The following CHD7 variants were observed in gnomAD, a reference collection of about 807,000 sequenced individuals.
CHD7 encodes ATP-dependent chromatin remodeler CHD7.
A neutral mutation model predicts 307.3 loss-of-function variants in CHD7; 24 were observed. That is an observed-to-expected ratio of 0.08 (90% CI 0.06 to 0.11). The LOEUF (loss-of-function observed/expected upper bound fraction) is 0.11, where lower values mean the gene tolerates loss of function less well. CHD7 is among the 10% of genes least tolerant of loss of function. The pLI is 1.00. For synonymous variants in CHD7, 1,363 were observed against 1,349.9 expected, an observed-to-expected ratio of 1.01 and a Z score of -0.21; for missense variants, 3,106 against 3,727.1, an observed-to-expected ratio of 0.83 and a Z score of 4.34.
chr8:60,808,834 A>C (rs139791631), intron 7 of CHD7: 1 of 153,034 alleles, frequency 6.5e-6, no homozygotes, highest in Non-Finnish European at 1.5e-5. Context: ...TGTTGTAAGC[A>C]GTACACCTGG....
chr8:60,828,850 A>AT (rs774958191), intron 14 of CHD7, 44 bp downstream of exon 14: 63 of 1,571,624 alleles, frequency 4.0e-5, no homozygotes, highest in Middle Eastern at 1.7e-4. Flanking sequence ...AAAATTGAAG[A>AT]TTAGCCCATG....
chr8:60,718,148 C>G (rs1004998713), intron 1 of CHD7, among the ~76,000 whole-genome samples: 5 of 152,124 alleles, frequency 3.3e-5, no homozygotes, highest in African/African-American at 1.2e-4. Flanking sequence ...CTGTGTAGGT[C>G]TAGGCTAATG....
rs1804073006 is a variant in CHD7 at position 60,822,160 on chromosome 8, T to A, written c.2957+15T>A. On this transcript the variant is annotated intron_variant, in intron 11 of 37. Transcript: ENST00000423902. ...TGGTACAACATGTATGTAAAACAAG[T>A]TTTTCTTCACTTTTAAATATATCTG... The A allele has an allele frequency of 6.3e-7, 1 of 1,597,038 alleles. No homozygotes were observed. Among genetic ancestry groups the A allele is most frequent in the Non-Finnish European group, 8.5e-7 (1 of 1,172,488 alleles).
intron 21 of CHD7, among the ~76,000 whole-genome samples, chr8:60,844,211 C>T (rs1805099596): frequency 6.6e-6 from 1 of 152,180 alleles, no homozygotes; most frequent in Non-Finnish European, 1.5e-5. Flanking sequence ...GCAGTCAGTC[C>T]CCATGGTGTG....
intron 1 of CHD7, among the ~76,000 whole-genome samples, chr8:60,718,456 C>CA (rs1807724807): frequency 6.7e-6 from 1 of 148,698 alleles, no homozygotes; most frequent in South Asian, 2.1e-4. Context: ...GCATGGGAGA[C>CA]AGAGTGAGAC....
intron 1 of CHD7, among the ~76,000 whole-genome samples, chr8:60,715,951 T>G (rs745326047): frequency 3.3e-5 from 5 of 152,174 alleles, no homozygotes; most frequent in Non-Finnish European, 5.9e-5. Context: ...CACAGCCTAC[T>G]TCATAGGACT....
At chr8:60,849,847 C>G (rs955647928) in intron 25 of CHD7, among the ~76,000 whole-genome samples, 6 of 152,158 alleles carry the variant, frequency 3.9e-5, no homozygotes, top group Admixed American at 3.9e-4. Flanking sequence ...TTGTGCTGTT[C>G]TGCCTATGTA....
At position 60,761,263 on chromosome 8, in the gene CHD7, A is replaced by G. The variant is rs1182992896; in HGVS notation, c.1665+18166A>G. Among the ~76,000 whole-genome samples, 6 of 145,570 alleles carry G rather than the reference A, an allele frequency of 4.1e-5. No individual in the cohort carries two copies. In the South Asian group the frequency reaches 6.5e-4, roughly 16 times the overall value. ...AAGAACAAAAAACCAAACACCGCAT[A>G]TTCTCACTCATAGGTGGGAATTGAA... On this transcript the variant is annotated intron_variant, in intron 2 of 37. Transcript: ENST00000423902.
intron 1 of CHD7, among the ~76,000 whole-genome samples, chr8:60,707,735 T>G (rs1807087853): frequency 6.6e-6 from 1 of 152,230 alleles, no homozygotes; most frequent in Non-Finnish European, 1.5e-5. Context: ...AATCTTTAGT[T>G]ATAATTTATT....
chr8:60,786,856 TGTTA>T (rs971927504), intron 3 of CHD7, among the ~76,000 whole-genome samples: 9 of 152,196 alleles, frequency 5.9e-5, no homozygotes, highest in East Asian at 1.9e-4. Context: ...AAGATCTTTA[TGTTA>T]GTTGTCTTCT....
chr8:60,781,879 G>A (rs1446581437), intron 3 of CHD7, among the ~76,000 whole-genome samples: 1 of 152,162 alleles, frequency 6.6e-6, no homozygotes, highest in Non-Finnish European at 1.5e-5. Flanking sequence ...CCACTTGGCG[G>A]AGTAAGCCTT....
intron 9 of CHD7, among the ~76,000 whole-genome samples, chr8:60,821,120 G>A (rs1804010887): frequency 6.6e-6 from 1 of 152,118 alleles, no homozygotes; most frequent in Admixed American, 6.5e-5. Flanking sequence ...GGAAAAGGTA[G>A]AGATCCTAAT....
chr8:60,860,309 C>G (rs980481036), intron 34 of CHD7, among the ~76,000 whole-genome samples: 3 of 152,212 alleles, frequency 2.0e-5, no homozygotes, highest in Non-Finnish European at 4.4e-5. Context: ...AGACTATACC[C>G]CCCATGTTGT....
intron 1 of CHD7, among the ~76,000 whole-genome samples, chr8:60,707,622 G>GC (rs1247963705): frequency 2.0e-5 from 3 of 152,162 alleles, no homozygotes; most frequent in Non-Finnish European, 4.4e-5. Flanking sequence ...TAGATGACCA[G>GC]CACTTGTTTA....
intron 28 of CHD7, 38 bp downstream of exon 28, chr8:60,851,357 T>G: frequency 6.8e-7 from 1 of 1,465,126 alleles, no homozygotes; most frequent in Non-Finnish European, 9.4e-7. Flanking sequence ...CGAGCAGACG[T>G]GCACTGAGCA....
At position 60,742,250 on chromosome 8, in the gene CHD7, C is replaced by T. The variant is rs762771594; in HGVS notation, c.818C>T (p.Pro273Leu). 2 of 1,613,910 alleles carry T rather than the reference C, an allele frequency of 1.2e-6. No individual in the cohort carries two copies. Among genetic ancestry groups the T allele is most frequent in the Non-Finnish European group, 1.7e-6 (2 of 1,179,888 alleles). Residue 273 changes from proline to leucine, a missense_variant, in exon 2 of 38, where the codon CCC (proline) becomes CTC (leucine). Pro to Leu is a moderately conservative substitution (Grantham distance 98). This residue lies in a region of CHD7 where 998 missense variants were observed against 1,004.5 expected (regional missense o/e 0.99). Transcript: ENST00000423902. ...CATGGAGAATCCGTTGCCCACAGTC[C>T]CAGATTCTCCCCGAATCCTCCCCAA... ...ALHGESVAHSPRFSPNPPQQG... is the reference protein window; with the variant it reads ...ALHGESVAHSLRFSPNPPQQG...
At chr8:60,731,353 C>G (rs1210876205) in intron 1 of CHD7, among the ~76,000 whole-genome samples, 1 of 152,090 alleles carries the variant, frequency 6.6e-6, no homozygotes, top group Non-Finnish European at 1.5e-5. Flanking sequence ...GCTGTTGTAT[C>G]TCAAACTGCA....
Position 60,742,988 on chromosome 8 carries a change from C to T in CHD7, c.1556C>T (p.Pro519Leu), listed in dbSNP as rs1333490432. ...QQLPTCPPLQ[P>L]HPGLHHQSSP... Reference sequence around the variant, plus strand: ...TTGCCAACCTGTCCTCCACTGCAGCCTCACCCGGGCTTGCACCACCAGTCT... The same window carrying T: ...TTGCCAACCTGTCCTCCACTGCAGCTTCACCCGGGCTTGCACCACCAGTCT... Residue 519 changes from proline (P) to leucine (L), a missense_variant, in exon 2 of 38, where the codon CCT becomes CTT. Transcript: ENST00000423902. 6.8e-6 allele frequency: 11 copies of T among 1,613,826 alleles called. No individual in the cohort carries two copies. Among genetic ancestry groups the T allele is most frequent in the Non-Finnish European group, 9.3e-6 (11 of 1,179,828 alleles).
In CHD7 at chr8:60,741,648, T is replaced by C. The variant is rs16926453; in HGVS notation, c.216T>C (p.Tyr72=). The C allele has an allele frequency of 1.7e-3, 2,795 of 1,613,810 alleles. 52 individuals are homozygous for C. The Admixed American group carries it at 0.033, about 19-fold the overall frequency. The change falls in exon 2 of 38, where the codon TAT becomes TAC. Residue 72 remains tyrosine, a synonymous_variant. Coordinates refer to ENST00000423902, the MANE Select transcript of CHD7 (RefSeq NM_017780.4). ...NQTKLTHFDH[Y]NQYEQQKMHL... ...CAAAGCTGACACATTTTGATCACTATAATCAGTATGAACAACAAAAGATGC... is the reference window on the plus strand; with the variant it reads ...CAAAGCTGACACATTTTGATCACTACAATCAGTATGAACAACAAAAGATGC...
Sources: gnomAD v4.1 joint callset for allele counts (sites outside exome capture counted in the v4.1 genomes callset) on GRCh38, gnomAD v4.1.1 for gene constraint, gnomAD v4.1.1 regional missense constraint, MANE v1.5 for transcripts, NCBI Gene and HGNC (gene_info 2026-07-23, HGNC 2026-07-21) for gene names.